Variants in USP3 observed in about 807,000 individuals in gnomAD.
USP3 encodes ubiquitin specific peptidase 3.
A neutral mutation model predicts 72.3 loss-of-function variants in USP3; 20 were observed. That is an observed-to-expected ratio of 0.28 (90% CI 0.19 to 0.40). The LOEUF (loss-of-function observed/expected upper bound fraction) is 0.40, where lower values mean the gene tolerates loss of function less well. Among genes scored for constraint, USP3 ranks in the 10% least tolerant of loss-of-function variants. USP3 has a pLI of 1.00. For synonymous variants in USP3, 222 were observed against 225.3 expected (o/e 0.99, Z 0.13); for missense variants, 479 against 633.9 (o/e 0.76, Z 2.62).
chr15:63,505,510 G>C (rs781632181), intron 1 of USP3, among the ~76,000 whole-genome samples: 1 of 152,228 alleles, frequency 6.6e-6, no homozygotes, highest in African/African-American at 2.4e-5. Flanking sequence ...AGCTGCTTTG[G>C]AGGGGACTGC....
At chr15:63,547,722 TAGAGAG>T (rs138124125) in intron 3 of USP3, among the ~76,000 whole-genome samples, 1,645 of 68,078 alleles carry the variant, frequency 0.024, 173 homozygotes, top group African/African-American at 0.092. Context: ...CCTGTCTCAA[TAGAGAG>T]AGAGAGAGAG....
rs759017095 is a variant in USP3 at position 63,537,158 on chromosome 15, T to G, written c.284+2T>G. On this transcript the variant is annotated splice_donor_variant, in intron 3 of 14. Transcript: ENST00000380324. LOFTEE classifies it high-confidence loss of function. ...TTGCAGTAGCTACAGTACATACTGG[T>G]AAGTTAACATTTTCTGGAAATGAGA... is the stretch of plus-strand genomic sequence containing the variant. 1 of 1,608,856 alleles carries G rather than the reference T, an allele frequency of 6.2e-7. No homozygotes were observed. Among genetic ancestry groups the G allele is most frequent in the Non-Finnish European group, 8.5e-7 (1 of 1,178,186 alleles).
intron 1 of USP3, among the ~76,000 whole-genome samples, chr15:63,527,428 T>C (rs1180200156): frequency 6.6e-6 from 1 of 152,222 alleles, no homozygotes; most frequent in Non-Finnish European, 1.5e-5. Context: ...GCACTATAAA[T>C]GGCTTACCTG....
chr15:63,577,924 G>T (rs1194197706), intron 11 of USP3, among the ~76,000 whole-genome samples: 2 of 75,186 alleles, frequency 2.7e-5, no homozygotes, highest in Non-Finnish European at 5.7e-5. Flanking sequence ...GTGAGACCCT[G>T]CCTCAAAAAA....
chr15:63,561,722 A>G (rs368103639), intron 7 of USP3, among the ~76,000 whole-genome samples: 2 of 152,304 alleles, frequency 1.3e-5, no homozygotes, highest in Non-Finnish European at 1.5e-5. Flanking sequence ...GTGGGAGGCA[A>G]ACTCTTAAAA....
intron 1 of USP3, among the ~76,000 whole-genome samples, chr15:63,508,826 A>G (rs1341926777): frequency 6.6e-6 from 1 of 152,300 alleles, no homozygotes; most frequent in Admixed American, 6.5e-5. Context: ...TAGGCATGCT[A>G]ATTTTTCCCT....
chr15:63,536,438 G>C (rs908435975), intron 2 of USP3, among the ~76,000 whole-genome samples: 8 of 141,620 alleles, frequency 5.6e-5, no homozygotes, highest in African/African-American at 2.1e-4. Flanking sequence ...CCAAGTTGGG[G>C]GTTAGTGGTC....
chr15:63,540,516 A>G (rs767933834), intron 3 of USP3, among the ~76,000 whole-genome samples: 3 of 152,216 alleles, frequency 2.0e-5, no homozygotes, highest in South Asian at 2.1e-4. Context: ...CATCAGATCT[A>G]TAATACTGTG....
At chr15:63,532,993 G>C (rs980850981) in intron 2 of USP3, among the ~76,000 whole-genome samples, 1 of 152,152 alleles carries the variant, frequency 6.6e-6, no homozygotes, top group Non-Finnish European at 1.5e-5. Context: ...GGGAATTCTT[G>C]AAGTACAAAT....
At chr15:63,576,842 C>G (rs985822913) in intron 11 of USP3, among the ~76,000 whole-genome samples, 1 of 152,180 alleles carries the variant, frequency 6.6e-6, no homozygotes, top group South Asian at 2.1e-4. Context: ...TTGTTGACCA[C>G]CCTTATCATT....
chr15:63,576,088 G>C (rs1483415378), intron 11 of USP3, among the ~76,000 whole-genome samples: 1 of 150,692 alleles, frequency 6.6e-6, no homozygotes, highest in Non-Finnish European at 1.5e-5. Context: ...CCAGGTTCAA[G>C]TGATTCTCCT....
chr15:63,529,918 G>C lies in USP3; in HGVS notation c.92-2729G>C, dbSNP rs568284141. On this transcript the variant is annotated intron_variant, in intron 1 of 14. Coordinates refer to ENST00000380324, the MANE Select transcript of USP3 (RefSeq NM_006537.4). This position sits in a 1 kb window ranked among gnomAD's most constrained non-coding sequence, Gnocchi z 4.2. ...GGCTGAGGCAGGGAGGATTGCTTGA[G>C]CTAAGGGATTCAAGACCAGTCTAGG... Among the ~76,000 whole-genome samples the C allele has an allele frequency of 6.6e-6, 1 of 152,302 alleles. No homozygotes were observed. Among genetic ancestry groups the C allele is most frequent in the African/African-American group, 2.4e-5 (1 of 41,562 alleles).
At chr15:63,511,176 G>A (rs570209027) in intron 1 of USP3, among the ~76,000 whole-genome samples, 3 of 141,590 alleles carry the variant, frequency 2.1e-5, no homozygotes, top group South Asian at 2.3e-4. Context: ...TGAGACAAAG[G>A]TTACGAGTTG....
chr15:63,511,266 TAAAA>T (rs61283920), intron 1 of USP3, among the ~76,000 whole-genome samples: 1 of 42,846 alleles, frequency 2.3e-5, no homozygotes, highest in Admixed American at 4.3e-4. Context: ...TGCTTTTTCT[TAAAA>T]AAAAAAAAAA....
Position 63,591,373 on chromosome 15 carries a change from G to A in USP3, c.*547G>A, listed in dbSNP as rs2067196282. 6.6e-6 allele frequency: 1 copy of A among 152,284 alleles called. No homozygotes were observed. The highest frequency in any genetic ancestry group is 6.5e-5 in the Admixed American group (1 of 15,286). The allele number at this position is 152,284 out of a possible 1,614,324, so 9.4% of individuals were successfully genotyped here. On this transcript the variant is annotated 3_prime_UTR_variant, in exon 15 of 15. Coordinates refer to ENST00000380324, the MANE Select transcript of USP3 (RefSeq NM_006537.4). ...ACAAAGGGCATCATTAAGTAGACCA[G>A]GTAATTACTGCTTGTCTCTCAAGGC...
In USP3 at chr15:63,544,568, G is replaced by A. The variant is rs1426175224; in HGVS notation, c.284+7412G>A. ...CTAAAGTTAGAATTTTTTAAAGGAAGTAAACCTACATTAAATTTTAGGACA... is the reference window on the plus strand; with the variant it reads ...CTAAAGTTAGAATTTTTTAAAGGAAATAAACCTACATTAAATTTTAGGACA... On this transcript the variant is annotated intron_variant, in intron 3 of 14. Transcript: ENST00000380324. This position sits in a 1 kb window ranked among gnomAD's most constrained non-coding sequence, Gnocchi z 4.2. The A allele has an allele frequency of 1.6e-6, 1 of 607,670 alleles. No homozygotes were observed. The highest frequency in any genetic ancestry group is 2.9e-6 in the Non-Finnish European group (1 of 341,942). 37.6% of individuals were successfully genotyped at this position (607,670 alleles called of 1,614,324 possible). A position where few individuals can be genotyped will look rare whatever the true frequency, so the allele number is the denominator to read the frequency against.
intron 11 of USP3, among the ~76,000 whole-genome samples, chr15:63,580,071 A>T (rs1188804320): frequency 6.6e-6 from 1 of 152,216 alleles, no homozygotes; most frequent in Non-Finnish European, 1.5e-5. Context: ...TATTGAAAAA[A>T]ATCAAACAAT....
chr15:63,576,612 C>T (rs62012774), intron 11 of USP3, among the ~76,000 whole-genome samples: 18,712 of 152,200 alleles, frequency 0.12, 1,586 homozygotes, highest in South Asian at 0.2. Flanking sequence ...TTGCATCCCA[C>T]GGAGTATTTT....
At chr15:63,534,395 A>C (rs2066123309) in intron 2 of USP3, among the ~76,000 whole-genome samples, 1 of 152,182 alleles carries the variant, frequency 6.6e-6, no homozygotes, top group Admixed American at 6.5e-5. Context: ...TATGGGTTAT[A>C]AATTCTGCTG....
Sources: gnomAD v4.1 joint callset for allele counts (sites outside exome capture counted in the v4.1 genomes callset) on GRCh38, gnomAD v4.1.1 for gene constraint, Gnocchi (gnomAD v3.1) non-coding constraint, MANE v1.5 for transcripts, NCBI Gene and HGNC (gene_info 2026-07-23, HGNC 2026-07-21) for gene names.